The following SGCZ variants were observed in gnomAD, a reference collection of about 807,000 sequenced individuals.
SGCZ encodes zeta-sarcoglycan.
In SGCZ, 40 loss-of-function variants were observed where a neutral mutation model predicts 41.3. The observed-to-expected ratio is 0.97, with a 90% CI of 0.75 to 1.26. The LOEUF (loss-of-function observed/expected upper bound fraction) is 1.26. Among genes scored for constraint, SGCZ ranks in the 50% most tolerant of loss-of-function variants. SGCZ has a pLI of 0.00. For missense variants in SGCZ, 552 were observed against 369.8 expected, an observed-to-expected ratio of 1.49 and a Z score of -4.04; for synonymous variants, 206 against 137.5, an observed-to-expected ratio of 1.50 and a Z score of -3.49.
chr8:15,103,269 C>T (rs777007295), intron 1 of SGCZ, among the ~76,000 whole-genome samples: 1 of 151,982 alleles, frequency 6.6e-6, no homozygotes, highest in Non-Finnish European at 1.5e-5. Flanking sequence ...GGCATGATGG[C>T]GCATGCCTGT....
At chr8:14,117,456 G>C (rs1802559577) in intron 5 of SGCZ, among the ~76,000 whole-genome samples, 1 of 141,504 alleles carries the variant, frequency 7.1e-6, no homozygotes, top group Non-Finnish European at 1.5e-5. Context: ...GCAGAGTATA[G>C]CATCTCACTG....
chr8:14,352,394 C>A (rs117425498), intron 2 of SGCZ, among the ~76,000 whole-genome samples: 2 of 151,842 alleles, frequency 1.3e-5, no homozygotes, highest in Admixed American at 6.6e-5. Context: ...AAAAGAAATA[C>A]GGCACAAAAT....
chr8:15,002,067 T>C (rs1354550243), intron 1 of SGCZ, among the ~76,000 whole-genome samples: 5 of 152,180 alleles, frequency 3.3e-5, no homozygotes, highest in African/African-American at 1.2e-4. Flanking sequence ...TTGCATAGAG[T>C]TGCCGTGAAA....
intron 1 of SGCZ, among the ~76,000 whole-genome samples, chr8:14,601,995 C>A (rs530081413): frequency 6.8e-4 from 103 of 152,172 alleles, no homozygotes; most frequent in African/African-American, 2.4e-3. Context: ...TGGCGGGCGC[C>A]TGTAGTCCCA....
At chr8:14,427,321 C>A (rs1455993599) in intron 2 of SGCZ, among the ~76,000 whole-genome samples, 1 of 151,630 alleles carries the variant, frequency 6.6e-6, no homozygotes, top group Admixed American at 6.6e-5. Context: ...ACACATGTAC[C>A]CCTGAACTTA....
At chr8:14,991,865 G>A (rs1802024951) in intron 1 of SGCZ, among the ~76,000 whole-genome samples, 1 of 146,234 alleles carries the variant, frequency 6.8e-6, no homozygotes, top group Non-Finnish European at 1.5e-5. Context: ...CAAAACTAGT[G>A]TTATCCTTGA....
At chr8:14,534,411 G>A (rs1803231756) in intron 2 of SGCZ, among the ~76,000 whole-genome samples, 1 of 151,994 alleles carries the variant, frequency 6.6e-6, no homozygotes, top group Non-Finnish European at 1.5e-5. Context: ...AAGTTTCTAA[G>A]TAGAACTGTA....
At chr8:14,605,219 T>A (rs1018078691) in intron 1 of SGCZ, among the ~76,000 whole-genome samples, 11 of 152,054 alleles carry the variant, frequency 7.2e-5, no homozygotes, top group Non-Finnish European at 1.6e-4. Context: ...AAAAATTACG[T>A]CTAGTACATT....
At chr8:14,331,562 A>G (rs1388460405) in intron 2 of SGCZ, among the ~76,000 whole-genome samples, 1 of 152,090 alleles carries the variant, frequency 6.6e-6, no homozygotes, top group South Asian at 2.1e-4. Context: ...TAAACTCTAT[A>G]GTGGTAACAA....
chr8:14,284,534 G>A (rs73664091), intron 3 of SGCZ, among the ~76,000 whole-genome samples: 2,169 of 152,176 alleles, frequency 0.014, 61 homozygotes, highest in African/African-American at 0.048. Context: ...TATTCCGTAC[G>A]TAGATGGGTT....
chr8:14,556,032 G>T (rs1044158303), intron 1 of SGCZ, among the ~76,000 whole-genome samples: 8 of 151,756 alleles, frequency 5.3e-5, no homozygotes, highest in Non-Finnish European at 4.4e-5. Flanking sequence ...ATACATTCAG[G>T]TTCTAGAATT....
chr8:14,391,431 A>G (rs1269742430), intron 2 of SGCZ, among the ~76,000 whole-genome samples: 1 of 152,172 alleles, frequency 6.6e-6, no homozygotes, highest in African/African-American at 2.4e-5. Context: ...ATATACTAAG[A>G]GATTCCATAT....
intron 1 of SGCZ, among the ~76,000 whole-genome samples, chr8:15,143,107 C>A (rs1224532462): frequency 2.6e-5 from 4 of 152,110 alleles, no homozygotes; most frequent in Admixed American, 1.3e-4. Flanking sequence ...TCTAGCAATA[C>A]CATATGTGGA....
intron 1 of SGCZ, among the ~76,000 whole-genome samples, chr8:14,648,653 T>G (rs1417659073): frequency 3.3e-5 from 5 of 152,106 alleles, no homozygotes; most frequent in East Asian, 1.9e-4. Flanking sequence ...CTCTGATAAT[T>G]TATTATTGTT....
intron 2 of SGCZ, among the ~76,000 whole-genome samples, chr8:14,516,732 C>A (rs1337280770): frequency 2.0e-5 from 3 of 152,032 alleles, no homozygotes; most frequent in African/African-American, 4.8e-5. Context: ...CGTCTTTCAT[C>A]ATTAGCTGCT....
intron 2 of SGCZ, among the ~76,000 whole-genome samples, chr8:14,474,638 T>A (rs140987216): frequency 8.2e-4 from 125 of 152,344 alleles, no homozygotes; most frequent in Non-Finnish European, 1.5e-3. Context: ...CATTAAAATT[T>A]TTTAAAAATA....
At chr8:14,447,979 T>A (rs548756264) in intron 2 of SGCZ, among the ~76,000 whole-genome samples, 1 of 152,314 alleles carries the variant, frequency 6.6e-6, no homozygotes, top group Admixed American at 6.5e-5. Context: ...AACGGAAATG[T>A]ACATAGTGGT....
At chr8:14,098,936 T>C (rs1465474311) in intron 7 of SGCZ, among the ~76,000 whole-genome samples, 1 of 152,024 alleles carries the variant, frequency 6.6e-6, no homozygotes, top group Non-Finnish European at 1.5e-5. Context: ...TCCCATCCAT[T>C]TAGGGGCTGC....
At chr8:15,054,475 G>A (rs1048663996) in intron 1 of SGCZ, among the ~76,000 whole-genome samples, 5 of 143,900 alleles carry the variant, frequency 3.5e-5, no homozygotes, top group Non-Finnish European at 6.1e-5. Flanking sequence ...GCTGCAATGA[G>A]AAACAATAGT....
Sources: gnomAD v4.1 joint callset for allele counts (sites outside exome capture counted in the v4.1 genomes callset) on GRCh38, gnomAD v4.1.1 for gene constraint, MANE v1.5 for transcripts, NCBI Gene and HGNC (gene_info 2026-07-23, HGNC 2026-07-21) for gene names.